SLC4A8: variants seen among roughly 807,000 people sequenced by gnomAD.
SLC4A8 encodes the protein solute carrier family 4 member 8.
In SLC4A8, 40 loss-of-function variants were observed where a neutral mutation model predicts 125.0. The ratio of observed to expected loss-of-function variants is 0.32; its 90% CI spans 0.25 to 0.42. SLC4A8 has a LOEUF of 0.42. Ranked by LOEUF, SLC4A8 falls within the 10% of genes least tolerant of loss-of-function variation. The pLI is 1.00. For synonymous variants in SLC4A8, 456 were observed against 476.0 expected (o/e 0.96, Z 0.55); for missense variants, 863 against 1,355.1 (o/e 0.64, Z 5.70).
chr12:51,401,640 G>A (rs1241636226), intron 1 of SLC4A8, among the ~76,000 whole-genome samples: 1 of 152,144 alleles, frequency 6.6e-6, no homozygotes, highest in Non-Finnish European at 1.5e-5. Flanking sequence ...GCCCGCTCGG[G>A]TCTCGGGGTT....
intron 16 of SLC4A8, among the ~76,000 whole-genome samples, chr12:51,483,436 A>T (rs866538597): frequency 6.7e-6 from 1 of 149,648 alleles, no homozygotes; most frequent in Non-Finnish European, 1.5e-5. Context: ...GTGAGGTTTC[A>T]GCCAGACACA....
At chr12:51,427,880 C>T (rs748734531) in intron 1 of SLC4A8, among the ~76,000 whole-genome samples, 72 of 152,298 alleles carry the variant, frequency 4.7e-4, no homozygotes, top group African/African-American at 1.3e-3. Context: ...CTTTTAAAAA[C>T]ACAAATCAGA....
chr12:51,415,091 A>G (rs1315179186), intron 1 of SLC4A8, among the ~76,000 whole-genome samples: 1 of 152,118 alleles, frequency 6.6e-6, no homozygotes. Context: ...TATATTCATC[A>G]GGAATATTGG....
intron 2 of SLC4A8, among the ~76,000 whole-genome samples, chr12:51,449,416 C>A (rs1801559829): frequency 6.8e-6 from 1 of 148,116 alleles, no homozygotes; most frequent in South Asian, 2.2e-4. Context: ...CAGAGTGAGA[C>A]CCTATCTAAA....
chr12:51,447,283 G>A (rs1382537248), intron 2 of SLC4A8, among the ~76,000 whole-genome samples: 1 of 151,650 alleles, frequency 6.6e-6, no homozygotes, highest in African/African-American at 2.4e-5. Flanking sequence ...GTGGAGATGA[G>A]GTCTCACTAA....
chr12:51,448,171 G>C (rs940739735), intron 2 of SLC4A8, among the ~76,000 whole-genome samples: 1 of 152,156 alleles, frequency 6.6e-6, no homozygotes, highest in Non-Finnish European at 1.5e-5. Context: ...AATTCATATG[G>C]GTGAGCCATG....
intron 1 of SLC4A8, chr12:51,408,044 C>G (rs7311716): frequency 0.93 from 140,722 of 152,060 alleles, 65,175 homozygotes; most frequent in Non-Finnish European, 0.95. Flanking sequence ...CACATGTCTG[C>G]TTCCCTATAA....
chr12:51,474,282 A>G, intron 14 of SLC4A8, 60 bp from the exon 15 acceptor site: 1 of 1,134,968 alleles, frequency 8.8e-7, no homozygotes, highest in Non-Finnish European at 1.3e-6. Context: ...GTTGTTCTAA[A>G]AACATTTAAC....
In SLC4A8 at chr12:51,457,508, G is replaced by A. The variant is rs1950190154; in HGVS notation, c.732G>A (p.Lys244=). 1 of 1,613,928 alleles carries A rather than the reference G, an allele frequency of 6.2e-7. No individual in the cohort carries two copies. Among genetic ancestry groups the A allele is most frequent in the Non-Finnish European group, 8.5e-7 (1 of 1,179,942 alleles). ...GCTCCTTTGCTGAGGTTGGCAAGAA[G>A]CAGTCTGATCCTCATTTGATGGATA... ...IVRSFAEVGK[K]QSDPHLMDKH... Residue 244 remains lysine, a synonymous_variant, in exon 6 of 25, where the codon AAG becomes AAA. Coordinates refer to ENST00000453097, the MANE Select transcript of SLC4A8 (RefSeq NM_001039960.3).
rs1950009755 is a variant in SLC4A8 at position 51,452,829 on chromosome 12, T to C, written c.413+570T>C. ...TCAAATCCCAGAAGAGCCCTCAGGA[T>C]AACCAAGGACATGTCTAGGGTCCTC... is the stretch of plus-strand genomic sequence containing the variant. On this transcript the variant is annotated intron_variant, in intron 4 of 24. Transcript: ENST00000453097. 2.0e-5 allele frequency among the ~76,000 whole-genome samples: 3 copies of C among 152,228 alleles called. No individual in the cohort carries two copies. In the South Asian group the frequency reaches 6.2e-4, roughly 32 times the overall value.
intron 1 of SLC4A8, chr12:51,425,301 G>A (rs997936607): frequency 2.3e-6 from 3 of 1,284,794 alleles, no homozygotes; most frequent in Non-Finnish European, 2.9e-6. Context: ...CCTGACAGCC[G>A]GCGGGCGGCG....
At chr12:51,501,276 G>T (rs1393611238) in intron 22 of SLC4A8, among the ~76,000 whole-genome samples, 2 of 152,210 alleles carry the variant, frequency 1.3e-5, no homozygotes. Flanking sequence ...AGTGAACATA[G>T]TACCCCATAG....
At chr12:51,490,331 G>A (rs1468376434) in intron 19 of SLC4A8, among the ~76,000 whole-genome samples, 2 of 151,910 alleles carry the variant, frequency 1.3e-5, no homozygotes, top group African/African-American at 4.8e-5. Flanking sequence ...TGAGGTGGGT[G>A]GATCATGAGG....
At chr12:51,435,804 G>A (rs1949387785) in intron 1 of SLC4A8, among the ~76,000 whole-genome samples, 1 of 152,002 alleles carries the variant, frequency 6.6e-6, no homozygotes, top group South Asian at 2.1e-4. Context: ...TTGTCTTCGA[G>A]TGCTTCCTTA....
Position 51,495,004 on chromosome 12 carries a change from C to T in SLC4A8, c.2829C>T (p.Tyr943=), listed in dbSNP as rs140038263. 1.5e-5 allele frequency: 25 copies of T among 1,614,080 alleles called. No individual in the cohort carries two copies. Among genetic ancestry groups the T allele is most frequent in the Non-Finnish European group, 1.9e-5 (22 of 1,180,006 alleles). ...MPAKHQPDFI[Y]LRHVPLRKVH... The stretch of plus-strand genomic sequence containing the variant: ...CAAAGCACCAGCCAGATTTCATCTA[C>T]CTGCGGCATGTGCCGCTGCGCAAAG... The change falls in exon 21 of 25, where the codon TAC becomes TAT. Residue 943 remains tyrosine (Y), a synonymous_variant. Transcript: ENST00000453097.
intron 6 of SLC4A8, 115 bp from the exon 7 acceptor site, chr12:51,458,444 C>A: frequency 1.4e-6 from 1 of 715,026 alleles, no homozygotes; most frequent in Non-Finnish European, 2.5e-6. Context: ...GTCATCTTAA[C>A]CTCTTTTCTA....
At chr12:51,470,277 A>G (rs998070001) in intron 12 of SLC4A8, 115 bp from the exon 13 acceptor site, 3 of 884,034 alleles carry the variant, frequency 3.4e-6, no homozygotes, top group Admixed American at 2.1e-5. Flanking sequence ...CTAAGATGAA[A>G]TACAAGCAAA....
In SLC4A8 at chr12:51,507,437, AAG is replaced by A. The variant is rs1257050383; in HGVS notation, c.*2_*3del. 7 of 1,394,742 alleles carry A rather than the reference AAG, an allele frequency of 5.0e-6. No individual in the cohort carries two copies. The highest frequency in any genetic ancestry group is 2.7e-5 in the Admixed American group (1 of 37,618). 86.4% of individuals were successfully genotyped at this position (1,394,742 alleles called of 1,614,324 possible). On this transcript the variant is annotated stop_retained_variant and 3_prime_UTR_variant, in exon 25 of 25. Transcript: ENST00000453097. ...ACACTTTTATTCAGTCTCTTCAACT[AAG>A]AGTCTTTGCTGGGATGGAAGATTTG...
intron 16 of SLC4A8, among the ~76,000 whole-genome samples, chr12:51,482,610 C>T (rs1951059717): frequency 6.6e-6 from 1 of 152,088 alleles, no homozygotes; most frequent in East Asian, 1.9e-4. Context: ...GAATTCCTGA[C>T]CTCAAGTGAT....
Sources: gnomAD v4.1 joint callset for allele counts (sites outside exome capture counted in the v4.1 genomes callset) on GRCh38, gnomAD v4.1.1 for gene constraint, MANE v1.5 for transcripts, NCBI Gene and HGNC (gene_info 2026-07-23, HGNC 2026-07-21) for gene names.